The following RAD21L1 variants were observed in gnomAD, a reference collection of about 807,000 sequenced individuals.
The protein encoded by RAD21L1 is RAD21 cohesin complex component like 1.
A neutral mutation model predicts 69.0 loss-of-function variants in RAD21L1; 47 were observed. That is an observed-to-expected ratio of 0.68 (90% CI 0.54 to 0.87). RAD21L1 has a LOEUF of 0.87. RAD21L1 is among the 40% of genes least tolerant of loss of function. RAD21L1 has a pLI of 0.00. For missense variants in RAD21L1, 583 were observed against 647.6 expected (o/e 0.90, Z 1.08); for synonymous variants, 177 against 205.8 (o/e 0.86, Z 1.20).
At position 1,229,869 on chromosome 20, in the gene RAD21L1, A is replaced by T; in HGVS notation, c.145-11A>T. ...TCTTTACTCTTCTAATACTTCAAAA[A>T]TTATTGAAAGGTGAAAATAGCACTT... On this transcript the variant is annotated splice_polypyrimidine_tract_variant and intron_variant, in intron 2 of 13. Transcript: ENST00000683101. The T allele has an allele frequency of 6.5e-7, 1 of 1,540,762 alleles. No individual in the cohort carries two copies. Among genetic ancestry groups the T allele is most frequent in the Non-Finnish European group, 8.8e-7 (1 of 1,138,734 alleles).
chr20:1,230,016 A>G lies in RAD21L1; in HGVS notation c.274+7A>G, dbSNP rs1460404870. ...AAGATGACATTTTGCCCAGGTATAC[A>G]TGTAATATTGATTTGTCTCCTTCTT... On this transcript the variant is annotated splice_region_variant and intron_variant, in intron 3 of 13. Transcript: ENST00000683101. 6 of 1,538,060 alleles carry G rather than the reference A, an allele frequency of 3.9e-6. No individual in the cohort carries two copies. Among genetic ancestry groups the G allele is most frequent in the South Asian group, 1.2e-5 (1 of 82,650 alleles).
At chr20:1,240,794 C>G (rs575080946) in intron 8 of RAD21L1, among the ~76,000 whole-genome samples, 44 of 152,326 alleles carry the variant, frequency 2.9e-4, no homozygotes, top group South Asian at 1.4e-3. Context: ...CCTACTCCTT[C>G]CCTGCATAAA....
At chr20:1,247,652 G>A (rs1186203729) in intron 12 of RAD21L1, among the ~76,000 whole-genome samples, 1 of 152,134 alleles carries the variant, frequency 6.6e-6, no homozygotes, top group Admixed American at 6.6e-5. Flanking sequence ...CTTAGTCAAA[G>A]AGTCCCTTTA....
chr20:1,236,738 T>C (rs186355560), intron 5 of RAD21L1, among the ~76,000 whole-genome samples: 2 of 152,366 alleles, frequency 1.3e-5, no homozygotes, highest in East Asian at 3.9e-4. Context: ...ATATGTGATT[T>C]TTCTCTTCTA....
chr20:1,244,793 C>A (rs75979975), intron 11 of RAD21L1, among the ~76,000 whole-genome samples: 2,862 of 152,062 alleles, frequency 0.019, 105 homozygotes, highest in African/African-American at 0.065. Context: ...TAAAAATAAA[C>A]CAGTGTTTTT....
intron 1 of RAD21L1, among the ~76,000 whole-genome samples, chr20:1,226,567 C>T (rs2087264964): frequency 1.3e-5 from 2 of 152,120 alleles, no homozygotes; most frequent in Non-Finnish European, 2.9e-5. Context: ...TCCCCACGCC[C>T]CTCTCCCAGG....
In RAD21L1 at chr20:1,231,570, G is replaced by A. The variant is rs1364325007; in HGVS notation, c.319G>A (p.Ala107Thr). ...AGAGAATTTTGAAGCATCTTACAATGCTATCACATTGCCAGAAGAATTTCA... is the reference window on the plus strand; with the variant it reads ...AGAGAATTTTGAAGCATCTTACAATACTATCACATTGCCAGAAGAATTTCA... Reference protein sequence around the residue: ...PKENFEASYNAITLPEEFHDF... With the variant: ...PKENFEASYNTITLPEEFHDF... Residue 107 changes from alanine (A) to threonine (T), a missense_variant, in exon 4 of 14, where the codon GCT becomes ACT. Ala to Thr is a moderately conservative substitution (Grantham distance 58). Coordinates refer to ENST00000683101, the MANE Select transcript of RAD21L1 (RefSeq NM_001384355.1). 1.3e-6 allele frequency: 2 copies of A among 1,541,086 alleles called. No individual in the cohort carries two copies. The highest frequency in any genetic ancestry group is 1.4e-5 in the African/African-American group (1 of 72,782).
intron 2 of RAD21L1, 40 bp from the exon 3 acceptor site, chr20:1,229,840 C>T: frequency 1.4e-6 from 2 of 1,430,908 alleles, no homozygotes; most frequent in East Asian, 2.5e-5. Flanking sequence ...ATTTATGAAC[C>T]TAATCTTTAC....
rs748344400 is a variant in RAD21L1, at chr20:1,244,111, G to A, written c.1249G>A (p.Val417Met). Residue 417 changes from valine to methionine, a missense_variant, in exon 11 of 14, where the codon GTG (valine) becomes ATG (methionine). Physicochemically the swap from Val to Met is conservative, Grantham distance 21. Coordinates refer to ENST00000683101, the MANE Select transcript of RAD21L1 (RefSeq NM_001384355.1). ...AAGTAAACCCCAAACTTGGAAGGAT[G>A]TGATTGGTGGATCTCAGCATAGCTC... ...ELSKPQTWKDVIGGSQHSSHE... is the reference protein window; with the variant it reads ...ELSKPQTWKDMIGGSQHSSHE... The A allele has an allele frequency of 1.3e-6, 2 of 1,549,660 alleles. No individual in the cohort carries two copies. The highest frequency in any genetic ancestry group is 1.2e-5 in the South Asian group (1 of 83,976).
intron 7 of RAD21L1, among the ~76,000 whole-genome samples, chr20:1,239,649 G>T (rs2087566900): frequency 6.6e-6 from 1 of 152,124 alleles, no homozygotes; most frequent in Non-Finnish European, 1.5e-5. Flanking sequence ...TGTGCTTTTT[G>T]AATTATTAAA....
rs1161340148 is a variant in RAD21L1, at chr20:1,228,538, A to T, written c.85A>T (p.Lys29Ter). The T allele has an allele frequency of 1.3e-6, 2 of 1,550,552 alleles. No homozygotes were observed. The highest frequency in any genetic ancestry group is 2.4e-5 in the South Asian group (2 of 83,914). The stretch of plus-strand genomic sequence containing the variant: ...AGCTCACTGGGAGAAGAAACTCACA[A>T]AGGCCCATGTATTTGAATGTAATCT... Reference protein sequence around the residue: ...LAAHWEKKLTKAHVFECNLEI... With the variant: ...LAAHWEKKLT Residue 29 changes from lysine to a stop codon, truncating the protein, a stop_gained, in exon 2 of 14, where the codon AAG becomes TAG. Coordinates refer to ENST00000683101, the MANE Select transcript of RAD21L1 (RefSeq NM_001384355.1). LOFTEE classifies it high-confidence loss of function.
At chr20:1,247,177 A>G (rs1456142662) in intron 12 of RAD21L1, among the ~76,000 whole-genome samples, 1 of 152,176 alleles carries the variant, frequency 6.6e-6, no homozygotes, top group Non-Finnish European at 1.5e-5. Flanking sequence ...ATTTTCATAC[A>G]TGGTCAAGCA....
rs144539959 is a variant in RAD21L1, at chr20:1,237,597, A to G, written c.476-447A>G. Among the ~76,000 whole-genome samples, 18 of 151,920 alleles carry G rather than the reference A, an allele frequency of 1.2e-4. No homozygotes were observed. In the East Asian group the frequency reaches 3.3e-3, roughly 28 times the overall value. On this transcript the variant is annotated intron_variant, in intron 5 of 13. Transcript: ENST00000683101. ...ATGAATGTTGTAAGCCCATTCTTTA[A>G]TATTTTACCTACGTTTCCATTTCCT...
At chr20:1,240,514 A>G in intron 8 of RAD21L1, 80 bp downstream of exon 8, 1 of 1,478,276 alleles carries the variant, frequency 6.8e-7, no homozygotes, top group Non-Finnish European at 8.9e-7. Context: ...ATAATCACTG[A>G]AATATTATAG....
chr20:1,248,537 T>C, intron 12 of RAD21L1, 89 bp from the exon 13 acceptor site: 1 of 649,238 alleles, frequency 1.5e-6, no homozygotes, highest in Non-Finnish European at 2.6e-6. Flanking sequence ...ATAATTGTGT[T>C]TCTTGTAGAA....
chr20:1,241,502 A>T (rs868010290), intron 8 of RAD21L1, among the ~76,000 whole-genome samples: 5 of 152,176 alleles, frequency 3.3e-5, no homozygotes, highest in Non-Finnish European at 7.3e-5. Context: ...CAAACAGTAA[A>T]GCATTTTTTT....
At chr20:1,244,312 C>A in intron 11 of RAD21L1, 142 bp downstream of exon 11, 1 of 599,578 alleles carries the variant, frequency 1.7e-6, no homozygotes, top group Non-Finnish European at 2.7e-6. Context: ...TAGTAAGTAG[C>A]AGGGTAAAAC....
Sources: gnomAD v4.1 joint callset for allele counts (sites outside exome capture counted in the v4.1 genomes callset) on GRCh38, gnomAD v4.1.1 for gene constraint, MANE v1.5 for transcripts, NCBI Gene and HGNC (gene_info 2026-07-23, HGNC 2026-07-21) for gene names.